The following RGS7 variants were observed in gnomAD, a reference collection of about 807,000 sequenced individuals.
RGS7 encodes regulator of G-protein signaling 7.
A neutral mutation model predicts 81.1 loss-of-function variants in RGS7; 27 were observed. The ratio of observed to expected loss-of-function variants is 0.33; its 90% confidence interval spans 0.25 to 0.46. The LOEUF is 0.46. Among genes scored for constraint, RGS7 ranks in the 20% least tolerant of loss-of-function variants. RGS7 has a pLI of 1.00. For synonymous variants in RGS7, 208 were observed against 207.7 expected, an observed-to-expected ratio of 1.00 and a Z score of -0.01; for missense variants, 396 against 607.4, an observed-to-expected ratio of 0.65 and a Z score of 3.66.
chr1:241,005,102 C>T (rs927231318), intron 3 of RGS7, among the ~76,000 whole-genome samples: 1 of 152,152 alleles, frequency 6.6e-6, no homozygotes, highest in Admixed American at 6.5e-5. Context: ...AGGAAACACT[C>T]AGGAACTTGA....
At chr1:241,342,008 G>C (rs1354758925) in intron 2 of RGS7, among the ~76,000 whole-genome samples, 1 of 151,216 alleles carries the variant, frequency 6.6e-6, no homozygotes, top group East Asian at 2.0e-4. Flanking sequence ...CGGAGTGGCT[G>C]AAATTACAGG....
At chr1:241,120,120 A>C (rs1312628837) in intron 2 of RGS7, among the ~76,000 whole-genome samples, 1 of 152,178 alleles carries the variant, frequency 6.6e-6, no homozygotes, top group Non-Finnish European at 1.5e-5. Flanking sequence ...GGCCCTGCCC[A>C]TCCTCAATGC....
intron 4 of RGS7, among the ~76,000 whole-genome samples, chr1:240,977,970 C>T (rs1403634115): frequency 1.3e-5 from 2 of 152,164 alleles, no homozygotes; most frequent in Non-Finnish European, 2.9e-5. Flanking sequence ...GAAGTAAGTC[C>T]ATCACACTCA....
chr1:240,939,572 AG>A (rs1449756211), intron 4 of RGS7, among the ~76,000 whole-genome samples: 1 of 152,208 alleles, frequency 6.6e-6, no homozygotes, highest in Non-Finnish European at 1.5e-5. Flanking sequence ...CCTGTGGACG[AG>A]TGAAGAATAT....
chr1:240,911,880 G>A (rs773918186), intron 6 of RGS7, among the ~76,000 whole-genome samples: 4 of 151,852 alleles, frequency 2.6e-5, no homozygotes, highest in East Asian at 1.9e-4. Context: ...AGTGGCTCAC[G>A]CCTGTAATCC....
At chr1:241,341,963 C>A (rs2082583220) in intron 2 of RGS7, among the ~76,000 whole-genome samples, 1 of 150,218 alleles carries the variant, frequency 6.7e-6, no homozygotes, top group Non-Finnish European at 1.5e-5. Flanking sequence ...CAACCTCTGC[C>A]ACCCTGGTTC....
At chr1:241,319,467 T>C (rs116667425) in intron 2 of RGS7, among the ~76,000 whole-genome samples, 2,368 of 152,262 alleles carry the variant, frequency 0.016, 67 homozygotes, top group African/African-American at 0.054. Flanking sequence ...AGGTGATGTT[T>C]CCAAGTTTAC....
intron 2 of RGS7, among the ~76,000 whole-genome samples, chr1:241,272,823 G>A (rs907116387): frequency 6.6e-6 from 1 of 151,940 alleles, no homozygotes; most frequent in African/African-American, 2.4e-5. Flanking sequence ...CCTCTGCTAT[G>A]CCATGTTTGC....
At chr1:241,257,383 G>T (rs1184774838) in intron 2 of RGS7, among the ~76,000 whole-genome samples, 1 of 152,096 alleles carries the variant, frequency 6.6e-6, no homozygotes, top group Non-Finnish European at 1.5e-5. Flanking sequence ...TCATATTGGG[G>T]ATCAAGTTTC....
chr1:240,898,699 C>T (rs1431212634), intron 6 of RGS7, among the ~76,000 whole-genome samples: 1 of 152,126 alleles, frequency 6.6e-6, no homozygotes, highest in African/African-American at 2.4e-5. Context: ...TGCTTTACTT[C>T]CAACTATGTG....
At chr1:241,070,762 AACAG>A (rs2062389946) in intron 3 of RGS7, among the ~76,000 whole-genome samples, 1 of 127,324 alleles carries the variant, frequency 7.9e-6, no homozygotes, top group Admixed American at 8.8e-5. Flanking sequence ...ACAACAGCCC[AACAG>A]AAGGCCACGT....
chr1:241,054,350 G>A (rs967423972), intron 3 of RGS7, among the ~76,000 whole-genome samples: 1 of 152,086 alleles, frequency 6.6e-6, no homozygotes, highest in Non-Finnish European at 1.5e-5. Context: ...AAACTCCTGC[G>A]TACCTCCTTC....
intron 2 of RGS7, among the ~76,000 whole-genome samples, chr1:241,254,258 T>TAGAAGAATA (rs1228515595): frequency 2.0e-5 from 3 of 151,520 alleles, no homozygotes; most frequent in African/African-American, 7.3e-5. Context: ...GTAAAGGGGT[T>TAGAAGAATA]AGAAGAATAT....
At position 240,868,117 on chromosome 1, in the gene RGS7, G is replaced by T. The variant is rs199942995; in HGVS notation, c.609+470C>A. Among the ~76,000 whole-genome samples, 1 of 122,444 alleles carries T rather than the reference G, an allele frequency of 8.2e-6. No individual in the cohort carries two copies. The highest frequency in any genetic ancestry group is 4.0e-5 in the African/African-American group (1 of 24,730). 80.3% of individuals were successfully genotyped at this position (122,444 alleles called of 152,430 possible). On this transcript the variant is annotated intron_variant, in intron 9 of 18. Transcript: ENST00000440928. This position sits in a 1 kb window ranked among gnomAD's most constrained non-coding sequence, Gnocchi z 5.1. ...GAAAAGAAAAAGAAAGAAAAGAAAA[G>T]GAAAGAAAGAAAGAAAGAAAGAAAG...
At chr1:241,212,345 G>T (rs2074290838) in intron 2 of RGS7, among the ~76,000 whole-genome samples, 1 of 152,204 alleles carries the variant, frequency 6.6e-6, no homozygotes, top group African/African-American at 2.4e-5. Flanking sequence ...CGACTTCGTG[G>T]GTGTGTCACC....
intron 13 of RGS7, among the ~76,000 whole-genome samples, chr1:240,813,015 A>T (rs1026757999): frequency 5.9e-5 from 9 of 152,206 alleles, no homozygotes; most frequent in African/African-American, 2.2e-4. Context: ...AACTGCTAGA[A>T]GTGTGACAGA....
intron 4 of RGS7, among the ~76,000 whole-genome samples, chr1:240,973,489 G>C (rs1369287330): frequency 2.7e-5 from 4 of 150,908 alleles, no homozygotes; most frequent in Non-Finnish European, 4.4e-5. Flanking sequence ...TAGCCTGGGT[G>C]ACAGAGCAAG....
At chr1:241,324,738 C>A (rs547420286) in intron 2 of RGS7, among the ~76,000 whole-genome samples, 6 of 152,308 alleles carry the variant, frequency 3.9e-5, no homozygotes, top group African/African-American at 1.4e-4. Context: ...TATTCATTTT[C>A]TCTGGCTTTT....
intron 3 of RGS7, among the ~76,000 whole-genome samples, chr1:241,058,721 T>C (rs896258696): frequency 1.3e-5 from 2 of 152,226 alleles, no homozygotes; most frequent in African/African-American, 4.8e-5. Context: ...CTGAGACAAT[T>C]AGCTCCAGGC....
Sources: gnomAD v4.1 joint callset for allele counts (sites outside exome capture counted in the v4.1 genomes callset) on GRCh38, gnomAD v4.1.1 for gene constraint, Gnocchi (gnomAD v3.1) non-coding constraint, MANE v1.5 for transcripts, NCBI Gene and HGNC (gene_info 2026-07-23, HGNC 2026-07-21) for gene names.